PSME4: variants seen among roughly 807,000 people sequenced by gnomAD.
PSME4 encodes proteasome activator subunit 4.
In PSME4, 89 loss-of-function variants were observed where a neutral mutation model predicts 253.9. The observed-to-expected ratio is 0.35, with a 90% CI of 0.30 to 0.42. The LOEUF (loss-of-function observed/expected upper bound fraction) is 0.42, where lower values mean the gene tolerates loss of function less well. PSME4 is among the 10% of genes least tolerant of loss of function. PSME4 has a pLI of 1.00. For missense variants in PSME4, 2,014 were observed against 2,195.2 expected (o/e 0.92, Z 1.65); for synonymous variants, 851 against 759.2 (o/e 1.12, Z -1.99).
intron 1 of PSME4, among the ~76,000 whole-genome samples, chr2:53,968,575 C>A (rs1238228643): frequency 6.6e-6 from 1 of 152,152 alleles, no homozygotes; most frequent in African/African-American, 2.4e-5. Context: ...CCCAAGATCA[C>A]AACATGTCCC....
rs149814948 is a variant in PSME4, at chr2:53,902,702, G to A, written c.3076-1143C>T. Among the ~76,000 whole-genome samples, 807 of 152,146 alleles carry A rather than the reference G, an allele frequency of 5.3e-3. 7 individuals carry two copies. The highest frequency in any genetic ancestry group is 0.018 in the African/African-American group (761 of 41,494). On this transcript the variant is annotated intron_variant, in intron 27 of 46. Coordinates refer to ENST00000404125, the MANE Select transcript of PSME4 (RefSeq NM_014614.3). ...GGGTCAGCAAACATTTTCCATAAAC[G>A]GCCAGAAAGCAAACAGCAAAGCCAT...
chr2:53,939,035 T>C (rs919515885), intron 4 of PSME4, among the ~76,000 whole-genome samples: 21 of 152,100 alleles, frequency 1.4e-4, no homozygotes, highest in African/African-American at 5.1e-4. Flanking sequence ...TAATCAAGTT[T>C]CCAGTGAGGA....
intron 14 of PSME4, 80 bp from the exon 15 acceptor site, chr2:53,923,499 T>C: frequency 6.9e-7 from 1 of 1,443,704 alleles, no homozygotes; most frequent in Non-Finnish European, 9.1e-7. Flanking sequence ...AAATGATAAA[T>C]ATATTTAGAC....
Position 53,895,051 on chromosome 2 carries a change from C to T in PSME4, c.3868G>A (p.Glu1290Lys). The stretch of plus-strand genomic sequence containing the variant: ...CTTCTGCCAAGCTTAGGCTGCTCTT[C>T]CACACCAGCATAAACAACCATATTC... Reference protein sequence around the residue: ...PKNMVVYAGVEEQPKLGRSRE... With the variant: ...PKNMVVYAGVKEQPKLGRSRE... Residue 1290 changes from glutamate to lysine, a missense_variant, in exon 34 of 47, where the codon GAA becomes AAA. Transcript: ENST00000404125. 6.2e-7 allele frequency: 1 copy of T among 1,612,502 alleles called. No individual in the cohort carries two copies. The highest frequency in any genetic ancestry group is 1.3e-5 in the African/African-American group (1 of 74,936).
At position 53,943,593 on chromosome 2, in the gene PSME4, C is replaced by T. The variant is rs569528433; in HGVS notation, c.501-3593G>A. Among the ~76,000 whole-genome samples the T allele has an allele frequency of 3.1e-3, 471 of 152,242 alleles. 2 individuals are homozygous for T. Among genetic ancestry groups the T allele is most frequent in the Admixed American group, 3.6e-3 (55 of 15,286 alleles). On this transcript the variant is annotated intron_variant, in intron 3 of 46. Coordinates refer to ENST00000404125, the MANE Select transcript of PSME4 (RefSeq NM_014614.3). ...CAGTGGCTCATGCCTGTAATCCCAGCATTTTGGGAAGCCGAGGCGGGTGGA... is the reference window on the plus strand; with the variant it reads ...CAGTGGCTCATGCCTGTAATCCCAGTATTTTGGGAAGCCGAGGCGGGTGGA...
At chr2:53,869,758 C>T (rs1056283889) in intron 43 of PSME4, 9 of 341,320 alleles carry the variant, frequency 2.6e-5, no homozygotes, top group African/African-American at 1.9e-4. Context: ...TGAGCATAAA[C>T]TTTTATCTCT....
chr2:53,887,824 T>C lies in PSME4; in HGVS notation c.4520+34A>G, dbSNP rs747015632. 7 of 1,528,616 alleles carry C rather than the reference T, an allele frequency of 4.6e-6. No individual in the cohort carries two copies. In the South Asian group the frequency reaches 6.0e-5, roughly 13 times the overall value. 94.7% of individuals were successfully genotyped at this position (1,528,616 alleles called of 1,614,324 possible). ...ATTTAAAAAAAAACAAACAAAGAAC[T>C]CGAGAGGTACACCACAGAGAAAACA... On this transcript the variant is annotated intron_variant, in intron 39 of 46. Transcript: ENST00000404125.
intron 3 of PSME4, among the ~76,000 whole-genome samples, chr2:53,940,970 T>A (rs7601206): frequency 0.066 from 4,386 of 66,838 alleles, 549 homozygotes; most frequent in African/African-American, 0.11. Context: ...TATATATATA[T>A]ATATATATAT....
intron 20 of PSME4, among the ~76,000 whole-genome samples, chr2:53,915,671 TA>T (rs2104447110): frequency 6.6e-6 from 1 of 152,120 alleles, no homozygotes; most frequent in African/African-American, 2.4e-5. Flanking sequence ...AGACAAAGAC[TA>T]CTAATACACA....
intron 1 of PSME4, among the ~76,000 whole-genome samples, chr2:53,960,918 A>AC (rs950138740): frequency 2.0e-5 from 3 of 152,024 alleles, no homozygotes; most frequent in Non-Finnish European, 4.4e-5. Flanking sequence ...GACCAGCCTG[A>AC]CCAACATGGA....
intron 20 of PSME4, among the ~76,000 whole-genome samples, chr2:53,916,359 C>T (rs888429720): frequency 1.3e-5 from 2 of 151,408 alleles, no homozygotes; most frequent in Non-Finnish European, 2.9e-5. Context: ...CTGTTATTAA[C>T]AATAGATATT....
chr2:53,948,691 TAAG>T (rs768140413), intron 2 of PSME4, among the ~76,000 whole-genome samples, 154 bp from the exon 3 acceptor site: 12 of 152,170 alleles, frequency 7.9e-5, no homozygotes, highest in East Asian at 3.9e-4. Flanking sequence ...AACATAGTAT[TAAG>T]AAGAATAATG....
In PSME4 at chr2:53,908,943, G is replaced by A. The variant is rs533449166; in HGVS notation, c.2573-103C>T. 1.4e-5 allele frequency: 11 copies of A among 804,822 alleles called. No homozygotes were observed. The East Asian group carries it at 2.1e-4, about 15-fold the overall frequency. 49.9% of individuals were successfully genotyped at this position (804,822 alleles called of 1,614,324 possible). A position where few individuals can be genotyped will look rare whatever the true frequency, so the allele number is the denominator to read the frequency against. ...GGTCAAGGAGGGATAAAGTATTGGA[G>A]AAAAAAATAGGTCTGCCTTTACCAT... On this transcript the variant is annotated intron_variant, in intron 21 of 46. Transcript: ENST00000404125.
Position 53,970,674 on chromosome 2 carries a change from C to T in PSME4, c.111G>A (p.Leu37=). The change falls in exon 1 of 47, where the codon CTG becomes CTA. Residue 37 remains leucine, a synonymous_variant. Transcript: ENST00000404125. ...CGTCTAGCCGCTCCGCGTAGGGCAG[C>T]AGCTTGTTGTAGACGATCTCCTTCT... ...VPQKEIVYNK[L]LPYAERLDAE... 6.5e-7 allele frequency: 1 copy of T among 1,550,188 alleles called. No individual in the cohort carries two copies. Among genetic ancestry groups the T allele is most frequent in the African/African-American group, 1.4e-5 (1 of 73,168 alleles).
Position 53,931,894 on chromosome 2 carries a change from C to G in PSME4, c.1257G>C (p.Gln419His), listed in dbSNP as rs1356204047. The G allele has an allele frequency of 4.3e-6, 7 of 1,614,202 alleles. No individual in the cohort carries two copies. Among genetic ancestry groups the G allele is most frequent in the Non-Finnish European group, 5.9e-6 (7 of 1,180,040 alleles). ...FSKTGSLEAA[Q>H]ALQNLALMRP... ...TCATGAGTGCAAGATTCTGCAAAGC[C>G]TGGGCTGCTTCTAGACTACCGGTTT... is the stretch of plus-strand genomic sequence containing the variant. The change falls in exon 10 of 47, where the codon CAG (glutamine) becomes CAC (histidine). Residue 419 changes from glutamine (Q) to histidine (H), a missense_variant. Gln to His is a conservative substitution (Grantham distance 24, BLOSUM62 0). Transcript: ENST00000404125.
chr2:53,922,244 A>C (rs112937221), intron 17 of PSME4, among the ~76,000 whole-genome samples: 1 of 152,178 alleles, frequency 6.6e-6, no homozygotes, highest in African/African-American at 2.4e-5. Context: ...TAGACCAAAA[A>C]AATTCCCAAA....
At chr2:53,893,478 T>C (rs938398747) in intron 35 of PSME4, among the ~76,000 whole-genome samples, 196 bp downstream of exon 35, 1 of 152,194 alleles carries the variant, frequency 6.6e-6, no homozygotes, top group East Asian at 1.9e-4. Flanking sequence ...TATATATTAA[T>C]GCTATGTCAA....
chr2:53,900,853 T>C (rs1680365254), intron 28 of PSME4, among the ~76,000 whole-genome samples: 1 of 152,188 alleles, frequency 6.6e-6, no homozygotes, highest in Non-Finnish European at 1.5e-5. Flanking sequence ...CCCCATGTTC[T>C]GAGGGAGTAT....
chr2:53,916,740 C>A (rs531860012), intron 20 of PSME4, among the ~76,000 whole-genome samples: 42 of 151,980 alleles, frequency 2.8e-4, no homozygotes, highest in Admixed American at 7.9e-4. Context: ...AATTAACCAT[C>A]TGTTAAAAAA....
Sources: gnomAD v4.1 joint callset for allele counts (sites outside exome capture counted in the v4.1 genomes callset) on GRCh38, gnomAD v4.1.1 for gene constraint, MANE v1.5 for transcripts, NCBI Gene and HGNC (gene_info 2026-07-23, HGNC 2026-07-21) for gene names.